Variants in C5orf47 observed in about 807,000 individuals in gnomAD.
The protein encoded by C5orf47 is chromosome 5 open reading frame 47, also known as uncharacterized protein C5orf47.
A neutral mutation model predicts 20.6 loss-of-function variants in C5orf47; 20 were observed. The observed-to-expected ratio is 0.97, with a 90% CI of 0.68 to 1.41. The LOEUF is 1.41. C5orf47 is among the 40% of genes most tolerant of loss of function. The pLI, the probability that C5orf47 is intolerant of heterozygous loss-of-function variation, is 0.00. For missense variants in C5orf47, 262 were observed against 238.4 expected (o/e 1.10, Z -0.65); for synonymous variants, 106 against 97.3 (o/e 1.09, Z -0.53).
chr5:173,997,231 A>C (rs1759114462), intron 1 of C5orf47, among the ~76,000 whole-genome samples: 1 of 152,190 alleles, frequency 6.6e-6, no homozygotes, highest in Non-Finnish European at 1.5e-5. Flanking sequence ...GAGTAGAAGA[A>C]AGTGAGAGAT....
At chr5:173,997,709 GGT>G (rs112339082) in intron 1 of C5orf47, among the ~76,000 whole-genome samples, 10 of 150,102 alleles carry the variant, frequency 6.7e-5, no homozygotes, top group South Asian at 2.1e-4. Context: ...TGCCTGGGAG[GGT>G]GTGTGTGTGT....
rs1349453976 is a variant in C5orf47 at position 174,004,696 on chromosome 5, C to T, written c.*442C>T. ...GATTCATTTAAATTATTTTTGGCTT[C>T]CTCTAAACTTCTCAATTATTTTATG... On this transcript the variant is annotated 3_prime_UTR_variant, in exon 5 of 5. Coordinates refer to ENST00000340147, the MANE Select transcript of C5orf47 (RefSeq NM_001144954.2). The T allele has an allele frequency of 6.6e-6, 1 of 152,182 alleles. No individual in the cohort carries two copies. The highest frequency in any genetic ancestry group is 1.5e-5 in the Non-Finnish European group (1 of 67,964). The allele number at this position is 152,182 out of a possible 1,614,324, so 9.4% of individuals were successfully genotyped here.
intron 1 of C5orf47, among the ~76,000 whole-genome samples, chr5:173,990,797 GTTT>G (rs1758981768): frequency 6.6e-6 from 1 of 152,200 alleles, no homozygotes; most frequent in Non-Finnish European, 1.5e-5. Context: ...TTTCGAAGAG[GTTT>G]GACAGATTTA....
intron 1 of C5orf47, among the ~76,000 whole-genome samples, chr5:173,995,148 T>G (rs1408098872): frequency 6.6e-6 from 1 of 152,222 alleles, no homozygotes; most frequent in Non-Finnish European, 1.5e-5. Flanking sequence ...TCATTAAATG[T>G]GTCACCCCCT....
chr5:173,996,595 C>T (rs1759103707), intron 1 of C5orf47, among the ~76,000 whole-genome samples: 1 of 152,114 alleles, frequency 6.6e-6, no homozygotes, highest in Non-Finnish European at 1.5e-5. Context: ...TTTCCTATGC[C>T]ATATCTGCAT....
In C5orf47 at chr5:174,005,800, TTTTAA is replaced by T. The variant is rs1308780644; in HGVS notation, c.*1551_*1555del. On this transcript the variant is annotated 3_prime_UTR_variant, in exon 5 of 5. Transcript: ENST00000340147. ...TTATACAACTTGACATAGTAGTCTG[TTTTAA>T]TTTATTAGGTATATCAATATTTGTT... 6.6e-6 allele frequency: 1 copy of T among 152,332 alleles called. No individual in the cohort carries two copies. The highest frequency in any genetic ancestry group is 6.5e-5 in the Admixed American group (1 of 15,270). The allele number at this position is 152,332 out of a possible 1,614,324, so 9.4% of individuals were successfully genotyped here. A position where few individuals can be genotyped will look rare whatever the true frequency, so the allele number is the denominator to read the frequency against.
At chr5:174,001,258 T>C (rs940344717) in intron 4 of C5orf47, 27 bp downstream of exon 4, 1 of 1,246,740 alleles carries the variant, frequency 8.0e-7, no homozygotes, top group South Asian at 1.3e-5. Context: ...GTAATAATTA[T>C]GGAATATAGA....
At chr5:173,994,406 C>T (rs561752560) in intron 1 of C5orf47, among the ~76,000 whole-genome samples, 11 of 152,092 alleles carry the variant, frequency 7.2e-5, no homozygotes, top group African/African-American at 1.7e-4. Flanking sequence ...TCAGTCCAGC[C>T]GCTCCCACCT....
At chr5:173,993,314 AC>A (rs1289121539) in intron 1 of C5orf47, among the ~76,000 whole-genome samples, 1 of 152,122 alleles carries the variant, frequency 6.6e-6, no homozygotes, top group Non-Finnish European at 1.5e-5. Context: ...GTCTTAAGCT[AC>A]CCAGAAGCCC....
Position 173,989,218 on chromosome 5 carries a change from G to A in C5orf47, c.-46G>A, listed in dbSNP as rs1473224366. 7 of 1,362,664 alleles carry A rather than the reference G, an allele frequency of 5.1e-6. No individual in the cohort carries two copies. The highest frequency in any genetic ancestry group is 3.1e-5 in the African/African-American group (2 of 65,558). The allele number at this position is 1,362,664 out of a possible 1,614,324, so 84.4% of individuals were successfully genotyped here. Reference sequence around the variant, plus strand: ...GCACAGTGGGCAGTCTGGCGCCTGTGGCGTCGTGTTTGCTGAGGGCCCGGC... The same window carrying A: ...GCACAGTGGGCAGTCTGGCGCCTGTAGCGTCGTGTTTGCTGAGGGCCCGGC... On this transcript the variant is annotated 5_prime_UTR_variant, in exon 1 of 5. Coordinates refer to ENST00000340147, the MANE Select transcript of C5orf47 (RefSeq NM_001144954.2).
chr5:173,992,914 A>G (rs185401596), intron 1 of C5orf47, among the ~76,000 whole-genome samples: 1 of 152,304 alleles, frequency 6.6e-6, no homozygotes, highest in African/African-American at 2.4e-5. Context: ...TGCCATTGAA[A>G]GACTGCTCCT....
At position 173,992,890 on chromosome 5, in the gene C5orf47, C is replaced by T. The variant is rs192662248; in HGVS notation, c.325+3302C>T. On this transcript the variant is annotated intron_variant, in intron 1 of 4. Coordinates refer to ENST00000340147, the MANE Select transcript of C5orf47 (RefSeq NM_001144954.2). ...AATTTATCATCCTTTTTGTTCTTTTCACCTCAGAAACCATGCCATTGAAAG... is the reference window on the plus strand; with the variant it reads ...AATTTATCATCCTTTTTGTTCTTTTTACCTCAGAAACCATGCCATTGAAAG... 4.2e-4 allele frequency among the ~76,000 whole-genome samples: 64 copies of T among 152,056 alleles called. 1 individual carries two copies. The East Asian group carries it at 7.9e-3, about 19-fold the overall frequency.
At chr5:174,004,148 CAGTA>C (rs1759245703) in intron 4 of C5orf47, 119 bp from the exon 5 acceptor site, 1 of 152,300 alleles carries the variant, frequency 6.6e-6, no homozygotes, top group Non-Finnish European at 1.5e-5. Flanking sequence ...GTCATTAAAA[CAGTA>C]AGTACAGGGA....
At chr5:173,991,877 G>A (rs2113358015) in intron 1 of C5orf47, among the ~76,000 whole-genome samples, 1 of 152,148 alleles carries the variant, frequency 6.6e-6, no homozygotes, top group South Asian at 2.1e-4. Flanking sequence ...TAGAATGTTG[G>A]GATTATCTTG....
At chr5:173,995,102 C>T (rs538499459) in intron 1 of C5orf47, among the ~76,000 whole-genome samples, 1 of 152,276 alleles carries the variant, frequency 6.6e-6, no homozygotes, top group South Asian at 2.1e-4. Flanking sequence ...CGTGAACCAC[C>T]ACACCCAGCC....
chr5:173,995,660 A>T (rs1759075952), intron 1 of C5orf47, among the ~76,000 whole-genome samples: 1 of 152,234 alleles, frequency 6.6e-6, no homozygotes, highest in Non-Finnish European at 1.5e-5. Flanking sequence ...TGCCCAGTAA[A>T]TGCTGGCACA....
In C5orf47 at chr5:173,989,391, A is replaced by C. The variant is rs764391824; in HGVS notation, c.128A>C (p.Gln43Pro). ...CGTGGAGCTCAAGGCCTTTGGGGTC[A>C]GGGGCCTGGGGCAGGCTGTCGCCAG... is the stretch of plus-strand genomic sequence containing the variant. ...GGRGAQGLWG[Q>P]GPGAGCRQEK... The change falls in exon 1 of 5, where the codon CAG becomes CCG. Residue 43 changes from glutamine to proline, a missense_variant. Physicochemically the swap from Gln to Pro is moderately conservative, Grantham distance 76 (BLOSUM62 -1). Transcript: ENST00000340147. 5.8e-6 allele frequency: 9 copies of C among 1,541,608 alleles called. No homozygotes were observed. The South Asian group carries it at 1.1e-4, about 19-fold the overall frequency.
intron 1 of C5orf47, among the ~76,000 whole-genome samples, chr5:173,990,813 C>T (rs1332906887): frequency 6.6e-6 from 1 of 152,210 alleles, no homozygotes; most frequent in Non-Finnish European, 1.5e-5. Context: ...CAGATTTATA[C>T]ACACCCTAGT....
rs919802372 is a variant in C5orf47, at chr5:174,006,104, T to G, written c.*1850T>G. 1 of 152,390 alleles carries G rather than the reference T, an allele frequency of 6.6e-6. No homozygotes were observed. Among genetic ancestry groups the G allele is most frequent in the African/African-American group, 2.4e-5 (1 of 41,472 alleles). 9.4% of individuals were successfully genotyped at this position (152,390 alleles called of 1,614,324 possible). A position where few individuals can be genotyped will look rare whatever the true frequency, so the allele number is the denominator to read the frequency against. ...GTTCCATAATTTCAGTAGGGGCTAA[T>G]GACCCACCCCTGCTACATTAAAGAC... On this transcript the variant is annotated 3_prime_UTR_variant, in exon 5 of 5. Coordinates refer to ENST00000340147, the MANE Select transcript of C5orf47 (RefSeq NM_001144954.2).
Sources: allele counts gnomAD v4.1 joint callset (sites outside exome capture counted in the v4.1 genomes callset), GRCh38; gene constraint gnomAD v4.1.1; transcripts MANE v1.5; gene names NCBI Gene and HGNC (gene_info 2026-07-23, HGNC 2026-07-21).